The following KHDC1 variants were observed in gnomAD, a reference collection of about 807,000 sequenced individuals.
The protein encoded by KHDC1 is KH homology domain-containing protein 1.
Under a neutral mutation model 24.7 loss-of-function variants are expected in KHDC1, and 21 were observed. The observed-to-expected ratio is 0.85, with a 90% confidence interval of 0.60 to 1.23. KHDC1 has a LOEUF of 1.23. KHDC1 is among the 50% of genes most tolerant of loss of function. The pLI is 0.00. For missense variants in KHDC1, 274 were observed against 298.5 expected (o/e 0.92, Z 0.61); for synonymous variants, 98 against 111.7 (o/e 0.88, Z 0.77).
chr6:73,282,216 TAA>T (rs34726760), intron 2 of KHDC1, among the ~76,000 whole-genome samples: 62 of 96,706 alleles, frequency 6.4e-4, no homozygotes, highest in Admixed American at 1.0e-3. Context: ...AGACTCTGTC[TAA>T]AAAAAAAAAA....
intron 2 of KHDC1, among the ~76,000 whole-genome samples, chr6:73,252,907 A>C (rs1291952396): frequency 1.3e-5 from 2 of 152,194 alleles, no homozygotes; most frequent in Non-Finnish European, 2.9e-5. Context: ...TGTCCCAATA[A>C]AACTTTATTT....
rs563079630 is a variant in KHDC1, at chr6:73,281,197, G to A, written c.206+10801C>T. On this transcript the variant is annotated intron_variant, in intron 2 of 4. Coordinates refer to ENST00000370384, the Ensembl canonical transcript of KHDC1. ...TCTACTAAAAATAGAAATTTAGCCA[G>A]GCGTGGTGGCACACACCTGTAATCC... 9.8e-5 allele frequency among the ~76,000 whole-genome samples: 15 copies of A among 152,290 alleles called. No individual in the cohort carries two copies. In the South Asian group the frequency reaches 1.0e-3, roughly 11 times the overall value.
chr6:73,282,309 A>G (rs746900562), intron 2 of KHDC1, among the ~76,000 whole-genome samples: 8 of 152,048 alleles, frequency 5.3e-5, no homozygotes, highest in Non-Finnish European at 8.8e-5. Flanking sequence ...GGAAGACCAT[A>G]AAGTAAGCGC....
chr6:73,241,401 A>C lies in KHDC1; in HGVS notation c.*128T>G, dbSNP rs117702866. 8.3e-3 allele frequency: 6,636 copies of C among 800,288 alleles called. 47 individuals are homozygous for C. The highest frequency in any genetic ancestry group is 0.011 in the Non-Finnish European group (5,378 of 470,752). 49.6% of individuals were successfully genotyped at this position (800,288 alleles called of 1,614,324 possible). ...GAGACTTCCCTCAGACATGTCTAGA[A>C]GACCTGAGAGGGACAGGTCCCGGCC... is the stretch of plus-strand genomic sequence containing the variant. On this transcript the variant is annotated 3_prime_UTR_variant, in exon 5 of 5. Coordinates refer to ENST00000370384, the Ensembl canonical transcript of KHDC1.
chr6:73,308,519 TTTC>T (rs1410432644), intron 1 of KHDC1, among the ~76,000 whole-genome samples: 1 of 151,822 alleles, frequency 6.6e-6, no homozygotes, highest in Non-Finnish European at 1.5e-5. Context: ...CTTTTTTTTT[TTTC>T]TTTTTGGACA....
chr6:73,281,617 C>G (rs1233624589), intron 2 of KHDC1, among the ~76,000 whole-genome samples: 1 of 93,716 alleles, frequency 1.1e-5, no homozygotes, highest in Non-Finnish European at 2.6e-5. Flanking sequence ...AACTTCGTCT[C>G]AAAAAAAAAA....
chr6:73,307,928 C>G lies in KHDC1; in HGVS notation c.163+1624G>C, dbSNP rs981781693. 5.3e-5 allele frequency among the ~76,000 whole-genome samples: 8 copies of G among 152,226 alleles called. No homozygotes were observed. In the East Asian group the frequency reaches 1.5e-3, roughly 29 times the overall value. On this transcript the variant is annotated intron_variant, in intron 1 of 4. Coordinates refer to ENST00000370384, the Ensembl canonical transcript of KHDC1. ...TGTTTGTTTGTTTTTGAGACAGAGT[C>G]TCGCTCTGTCGCCCAGGCTGGAGTG... is the stretch of plus-strand genomic sequence containing the variant.
chr6:73,293,932 G>A (rs1480340409), intron 1 of KHDC1, among the ~76,000 whole-genome samples: 1 of 151,556 alleles, frequency 6.6e-6, no homozygotes, highest in Non-Finnish European at 1.5e-5. Flanking sequence ...CATGAACCCA[G>A]GAGGCAGATG....
In KHDC1 at chr6:73,259,280, CT is replaced by C. The variant is rs59935884; in HGVS notation, c.207-16751del. ...GCTTTCTGCTGACAAATCCAATATG[CT>C]TTTTTTTTTTTTTTTTTTTTTTTTG... On this transcript the variant is annotated intron_variant, in intron 2 of 4. Coordinates refer to ENST00000370384, the Ensembl canonical transcript of KHDC1. Among the ~76,000 whole-genome samples, 646 of 73,212 alleles carry C rather than the reference CT, an allele frequency of 8.8e-3. 2 individuals are homozygous for C. The highest frequency in any genetic ancestry group is 0.031 in the African/African-American group (484 of 15,694). 48.0% of individuals were successfully genotyped at this position (73,212 alleles called of 152,430 possible). A position where few individuals can be genotyped will look rare whatever the true frequency, so the allele number is the denominator to read the frequency against.
chr6:73,273,575 G>A (rs1027785265), intron 2 of KHDC1, among the ~76,000 whole-genome samples: 4 of 152,052 alleles, frequency 2.6e-5, no homozygotes, highest in African/African-American at 9.7e-5. Context: ...CCAGCACTTT[G>A]GGAGGCCAAG....
intron 2 of KHDC1, among the ~76,000 whole-genome samples, chr6:73,258,077 G>A (rs1234517551): frequency 6.6e-6 from 1 of 152,180 alleles, no homozygotes; most frequent in Non-Finnish European, 1.5e-5. Flanking sequence ...CCAACATGGT[G>A]AAACTCTGTC....
At chr6:73,291,488 CT>C (rs1337998152) in intron 2 of KHDC1, 315 of 165,330 alleles carry the variant, frequency 1.9e-3, no homozygotes, top group Middle Eastern at 5.3e-3. Flanking sequence ...AAATTATCCA[CT>C]TTTTTTTTTA....
At chr6:73,258,163 G>A (rs1433891329) in intron 2 of KHDC1, among the ~76,000 whole-genome samples, 2 of 152,224 alleles carry the variant, frequency 1.3e-5, no homozygotes, top group Non-Finnish European at 2.9e-5. Context: ...GCTGAGGCAG[G>A]AGAATCACTT....
intron 2 of KHDC1, among the ~76,000 whole-genome samples, chr6:73,270,714 G>A (rs946729059): frequency 1.3e-5 from 2 of 149,654 alleles, no homozygotes; most frequent in African/African-American, 4.9e-5. Flanking sequence ...TTCTGAAATC[G>A]AGTTTTGCTC....
chr6:73,265,000 G>C (rs1402857721), intron 2 of KHDC1, among the ~76,000 whole-genome samples: 1 of 152,200 alleles, frequency 6.6e-6, no homozygotes, highest in Admixed American at 6.5e-5. Flanking sequence ...ATACCCCAGA[G>C]ACTAGTGCAC....
chr6:73,272,119 T>G (rs1767190393), intron 2 of KHDC1, among the ~76,000 whole-genome samples: 2 of 151,450 alleles, frequency 1.3e-5, no homozygotes, highest in South Asian at 4.2e-4. Context: ...AGAAAAAACT[T>G]TTGATCATGC....
intron 2 of KHDC1, among the ~76,000 whole-genome samples, chr6:73,247,855 C>CAA (rs60650206): frequency 0.13 from 11,977 of 89,366 alleles, 981 homozygotes; most frequent in East Asian, 0.23. Flanking sequence ...GACTCTGTCT[C>CAA]AAAAAAAAAA....
chr6:73,249,354 G>C (rs192461195), intron 2 of KHDC1, among the ~76,000 whole-genome samples: 10 of 152,184 alleles, frequency 6.6e-5, no homozygotes, highest in Admixed American at 4.6e-4. Context: ...TACTGGGTAG[G>C]GGTGGCTGCC....
intron 2 of KHDC1, among the ~76,000 whole-genome samples, chr6:73,252,830 A>T (rs1316940445): frequency 6.6e-6 from 1 of 151,998 alleles, no homozygotes; most frequent in Non-Finnish European, 1.5e-5. Flanking sequence ...AAAAAAAAAA[A>T]ATTATCCACT....
Sources: gnomAD v4.1 joint callset for allele counts (sites outside exome capture counted in the v4.1 genomes callset) on GRCh38, gnomAD v4.1.1 for gene constraint, MANE v1.5 for transcripts, NCBI Gene and HGNC (gene_info 2026-07-23, HGNC 2026-07-21) for gene names.